The following TNNI3K variants were observed in gnomAD, a reference collection of about 807,000 sequenced individuals.
TNNI3K encodes the protein serine/threonine-protein kinase TNNI3K.
TNNI3K carries 140 observed loss-of-function variants against 114.5 expected under a neutral mutation model. The observed-to-expected ratio is 1.22, with a 90% CI of 1.07 to 1.41. The LOEUF is 1.41. Ranked by LOEUF, TNNI3K falls within the 40% of genes most tolerant of loss-of-function variation. TNNI3K has a pLI of 0.00. For synonymous variants in TNNI3K, 347 were observed against 347.5 expected, an observed-to-expected ratio of 1.00 and a Z score of 0.02; for missense variants, 1,125 against 1,007.6, an observed-to-expected ratio of 1.12 and a Z score of -1.58.
chr1:74,524,317 G>A (rs17095520), intron 23 of TNNI3K, among the ~76,000 whole-genome samples: 2,444 of 152,304 alleles, frequency 0.016, 72 homozygotes, highest in African/African-American at 0.055. Context: ...AGCTCTGTGG[G>A]CCTGCCAGAA....
At chr1:74,493,556 G>A (rs1669180364) in intron 23 of TNNI3K, among the ~76,000 whole-genome samples, 1 of 152,162 alleles carries the variant, frequency 6.6e-6, no homozygotes. Flanking sequence ...GTCATATAAT[G>A]CTATAATAAT....
chr1:74,453,550 A>T (rs749259958), intron 20 of TNNI3K, among the ~76,000 whole-genome samples: 10 of 152,194 alleles, frequency 6.6e-5, no homozygotes, highest in African/African-American at 1.2e-4. Context: ...ATTTAACAGC[A>T]TACTACTTCC....
At chr1:74,263,920 A>T (rs114324749) in intron 4 of TNNI3K, among the ~76,000 whole-genome samples, 1 of 152,006 alleles carries the variant, frequency 6.6e-6, no homozygotes, top group African/African-American at 2.4e-5. Flanking sequence ...GCATGTATTT[A>T]CTTCCCCCGC....
At chr1:74,423,057 A>G (rs1158980397) in intron 17 of TNNI3K, among the ~76,000 whole-genome samples, 1 of 152,004 alleles carries the variant, frequency 6.6e-6, no homozygotes, top group African/African-American at 2.4e-5. Flanking sequence ...CACATTTTCT[A>G]TTAACACATT....
chr1:74,289,397 TGAA>T (rs1255810879), intron 5 of TNNI3K, among the ~76,000 whole-genome samples: 1 of 152,002 alleles, frequency 6.6e-6, no homozygotes, highest in Non-Finnish European at 1.5e-5. Flanking sequence ...CTTAATCTAA[TGAA>T]GAAGTTTGAC....
intron 17 of TNNI3K, among the ~76,000 whole-genome samples, chr1:74,432,502 G>A (rs906354155): frequency 6.6e-6 from 1 of 151,968 alleles, no homozygotes; most frequent in African/African-American, 2.4e-5. Flanking sequence ...TCATGTGCCT[G>A]GCTTACTTCC....
At chr1:74,473,898 G>A (rs1668059414) in intron 21 of TNNI3K, among the ~76,000 whole-genome samples, 1 of 152,054 alleles carries the variant, frequency 6.6e-6, no homozygotes. Flanking sequence ...TCTCTACACT[G>A]GAAAGTCTAT....
Position 74,543,462 on chromosome 1 carries a change from C to A in TNNI3K, c.2432-444C>A, listed in dbSNP as rs531376021. 1.1e-4 allele frequency among the ~76,000 whole-genome samples: 16 copies of A among 152,230 alleles called. No individual in the cohort carries two copies. The South Asian group carries it at 1.2e-3, about 12-fold the overall frequency. On this transcript the variant is annotated intron_variant, in intron 24 of 24. Transcript: ENST00000326637. The stretch of plus-strand genomic sequence containing the variant: ...AGTGCTAATTGTCTTAGGTGCATTG[C>A]CAACCTTATGAATAAGTGCTATTGT...
intron 17 of TNNI3K, among the ~76,000 whole-genome samples, chr1:74,424,153 C>T (rs370250025): frequency 1.3e-5 from 2 of 152,104 alleles, no homozygotes; most frequent in South Asian, 2.1e-4. Context: ...CAAGAACAGC[C>T]CCCAGTTTTT....
In TNNI3K at chr1:74,480,131, G is replaced by A; in HGVS notation, c.2122-9058G>A. 5.7e-6 allele frequency: 4 copies of A among 703,072 alleles called. 1 individual carries two copies. The South Asian group carries it at 6.1e-5, about 11-fold the overall frequency. 43.6% of individuals were successfully genotyped at this position (703,072 alleles called of 1,614,324 possible). ...TGGACAAGAGAAGAGAAAAGAGGAG[G>A]GCACACTTCTCCCCGGCATACCTGC... On this transcript the variant is annotated intron_variant, in intron 21 of 24. Coordinates refer to ENST00000326637, the MANE Select transcript of TNNI3K (RefSeq NM_015978.3).
chr1:74,238,679 G>C (rs974498671), intron 2 of TNNI3K, among the ~76,000 whole-genome samples: 8 of 151,972 alleles, frequency 5.3e-5, no homozygotes, highest in Non-Finnish European at 1.2e-4. Context: ...GTATTAGAAG[G>C]CTAATCAAAA....
chr1:74,529,668 T>C (rs2100436245), intron 23 of TNNI3K, among the ~76,000 whole-genome samples: 1 of 152,352 alleles, frequency 6.6e-6, no homozygotes, highest in African/African-American at 2.4e-5. Flanking sequence ...TGGGAGATGA[T>C]GGGCATTAGA....
chr1:74,394,769 G>C (rs978478406), intron 17 of TNNI3K, among the ~76,000 whole-genome samples: 9 of 152,222 alleles, frequency 5.9e-5, no homozygotes, highest in Non-Finnish European at 1.3e-4. Context: ...CTTAGGCCGG[G>C]CGCAGTGGCT....
At chr1:74,474,124 T>C (rs1441120169) in intron 21 of TNNI3K, among the ~76,000 whole-genome samples, 1 of 152,166 alleles carries the variant, frequency 6.6e-6, no homozygotes, top group African/African-American at 2.4e-5. Context: ...AACAACAGAC[T>C]GGGTTTTAAA....
chr1:74,268,734 T>C (rs1422557895), intron 4 of TNNI3K, among the ~76,000 whole-genome samples: 1 of 151,828 alleles, frequency 6.6e-6, no homozygotes, highest in East Asian at 1.9e-4. Flanking sequence ...GAAATTCTAA[T>C]TAGGGAGGCT....
At chr1:74,319,773 G>A (rs2100378805) in intron 5 of TNNI3K, among the ~76,000 whole-genome samples, 1 of 152,296 alleles carries the variant, frequency 6.6e-6, no homozygotes, top group African/African-American at 2.4e-5. Flanking sequence ...AACGGGTGCT[G>A]GGTTATGCCC....
rs574804699 is a variant in TNNI3K at position 74,290,329 on chromosome 1, GA to G, written c.444+18628del. ...CTACACTTTTATAATATTTGTAATT[GA>G]AAAAAACCCAGCACCAATATATAAA... On this transcript the variant is annotated intron_variant, in intron 5 of 24. Coordinates refer to ENST00000326637, the MANE Select transcript of TNNI3K (RefSeq NM_015978.3). 1.5e-3 allele frequency among the ~76,000 whole-genome samples: 219 copies of G among 149,876 alleles called. 2 individuals carry two copies. Among genetic ancestry groups the G allele is most frequent in the African/African-American group, 5.1e-3 (207 of 40,768 alleles).
At chr1:74,352,420 C>G (rs1223297423) in intron 9 of TNNI3K, among the ~76,000 whole-genome samples, 1 of 152,184 alleles carries the variant, frequency 6.6e-6, no homozygotes, top group Non-Finnish European at 1.5e-5. Flanking sequence ...GGGTCAGGGA[C>G]CCACTTGAGG....
rs1038439466 is a variant in TNNI3K, at chr1:74,235,735, T to A, written c.40+244T>A. 3.3e-5 allele frequency among the ~76,000 whole-genome samples: 5 copies of A among 151,304 alleles called. No homozygotes were observed. In the Admixed American group the frequency reaches 3.3e-4, roughly 10 times the overall value. ...CTTGGTATAATGTTACAGAAAAAAA[T>A]TTGGAATATTGCTGAATGTAGGGAT... On this transcript the variant is annotated intron_variant, in intron 1 of 24. Transcript: ENST00000326637.
Sources: gnomAD v4.1 joint callset for allele counts (sites outside exome capture counted in the v4.1 genomes callset) on GRCh38, gnomAD v4.1.1 for gene constraint, MANE v1.5 for transcripts, NCBI Gene and HGNC (gene_info 2026-07-23, HGNC 2026-07-21) for gene names.